GPATCH8: variants seen among roughly 807,000 people sequenced by gnomAD.
GPATCH8 encodes the protein G-patch domain containing 8.
Under a neutral mutation model 118.3 loss-of-function variants are expected in GPATCH8, and 18 were observed. The ratio of observed to expected loss-of-function variants is 0.15; its 90% CI spans 0.11 to 0.23. The LOEUF (loss-of-function observed/expected upper bound fraction) is 0.23, where lower values mean the gene tolerates loss of function less well. Among genes scored for constraint, GPATCH8 ranks in the 10% least tolerant of loss-of-function variants. GPATCH8 has a pLI of 1.00. For missense variants in GPATCH8, 1,631 were observed against 1,873.8 expected (o/e 0.87, Z 2.39); for synonymous variants, 659 against 684.7 (o/e 0.96, Z 0.59).
At chr17:44,429,649 A>ACACACACACACACACACAC (rs2050221839) in intron 5 of GPATCH8, among the ~76,000 whole-genome samples, 1 of 125,614 alleles carries the variant, frequency 8.0e-6, no homozygotes, top group East Asian at 2.6e-4. Context: ...GTCTCTACTA[A>ACACACACACACACACACAC]ACACACACAC....
At chr17:44,448,308 A>G (rs891718600) in intron 3 of GPATCH8, among the ~76,000 whole-genome samples, 12 of 152,088 alleles carry the variant, frequency 7.9e-5, no homozygotes, top group African/African-American at 2.9e-4. Context: ...CTATAATCCC[A>G]GCACTTTGGG....
intron 6 of GPATCH8, among the ~76,000 whole-genome samples, chr17:44,419,095 C>CAT (rs1382738000): frequency 2.6e-5 from 4 of 152,172 alleles, no homozygotes; most frequent in Non-Finnish European, 5.9e-5. Context: ...TGAGGGTGAC[C>CAT]ATATAGCTCC....
At chr17:44,453,500 G>GGTGTGT (rs56962134) in intron 3 of GPATCH8, among the ~76,000 whole-genome samples, 133 of 142,770 alleles carry the variant, frequency 9.3e-4, no homozygotes, top group African/African-American at 1.2e-3. Flanking sequence ...GGTAGGTAGG[G>GGTGTGT]GTGTGTGTGT....
At chr17:44,462,291 A>G (rs2051583739) in intron 3 of GPATCH8, among the ~76,000 whole-genome samples, 1 of 152,202 alleles carries the variant, frequency 6.6e-6, no homozygotes, top group Non-Finnish European at 1.5e-5. Flanking sequence ...CAAATTGGAG[A>G]GAAAAGCAAA....
intron 6 of GPATCH8, among the ~76,000 whole-genome samples, chr17:44,409,591 T>A (rs956407222): frequency 6.6e-6 from 1 of 152,198 alleles, no homozygotes; most frequent in Non-Finnish European, 1.5e-5. Context: ...AAAAAGGCAG[T>A]ATGTGTAAAG....
At chr17:44,421,057 G>A (rs2049881681) in intron 6 of GPATCH8, among the ~76,000 whole-genome samples, 1 of 151,962 alleles carries the variant, frequency 6.6e-6, no homozygotes, top group South Asian at 2.1e-4. Flanking sequence ...TCACCAAGTT[G>A]GACAGGCTGG....
At chr17:44,447,369 G>C (rs971387514) in intron 3 of GPATCH8, among the ~76,000 whole-genome samples, 1 of 147,756 alleles carries the variant, frequency 6.8e-6, no homozygotes, top group African/African-American at 2.5e-5. Flanking sequence ...ATATTGGCCA[G>C]GCTGGTCTTG....
At chr17:44,405,270 G>A (rs888599282) in intron 7 of GPATCH8, among the ~76,000 whole-genome samples, 9 of 150,496 alleles carry the variant, frequency 6.0e-5, no homozygotes, top group East Asian at 1.9e-4. Flanking sequence ...GTGTAATGGC[G>A]CAATCTTGGC....
rs780424241 is a variant in GPATCH8 at position 44,398,606 on chromosome 17, G to A, written c.3471C>T (p.Pro1157=). 2 of 1,548,186 alleles carry A rather than the reference G, an allele frequency of 1.3e-6. No individual in the cohort carries two copies. The highest frequency in any genetic ancestry group is 2.6e-5 in the South Asian group (2 of 78,214). ...LIGKLPATRK[P]NKKCEESGLE... ...AGCCAGACTCTTCACACTTCTTATTGGGCTTTCGGGTAGCTGGGAGCTTCC... is the reference window on the plus strand; with the variant it reads ...AGCCAGACTCTTCACACTTCTTATTAGGCTTTCGGGTAGCTGGGAGCTTCC... The change falls in exon 8 of 8, where the codon CCC becomes CCT. Residue 1157 remains proline (P), a synonymous_variant. Transcript: ENST00000591680.
Position 44,395,913 on chromosome 17 carries a change from T to C in GPATCH8, c.*1655A>G, listed in dbSNP as rs1487520782. On this transcript the variant is annotated 3_prime_UTR_variant, in exon 8 of 8. Transcript: ENST00000591680. Reference sequence around the variant, plus strand: ...AGTGTGTTAATTAGGGCTGAGAGCCTGGGTGAAAGGCAAGAAGAGGGGCAA... The same window carrying C: ...AGTGTGTTAATTAGGGCTGAGAGCCCGGGTGAAAGGCAAGAAGAGGGGCAA... The C allele has an allele frequency of 6.6e-6, 3 of 454,042 alleles. No homozygotes were observed. The highest frequency in any genetic ancestry group is 2.0e-5 in the African/African-American group (1 of 49,954). 28.1% of individuals were successfully genotyped at this position (454,042 alleles called of 1,614,324 possible).
At position 44,397,572 on chromosome 17, in the gene GPATCH8, G is replaced by C; in HGVS notation, c.4505C>G (p.Thr1502Arg). ...CCTAGGATCCCATCCCCCAACTCAC[G>C]TGCCATGGCTGGGGGGATGTTGCAG... ...QDLQHPPSHG[T>R] Residue 1502 changes from threonine to arginine, a missense_variant, in exon 8 of 8, where the codon ACG (threonine) becomes AGG (arginine). Physicochemically the swap from Thr to Arg is moderately conservative, Grantham distance 71. Transcript: ENST00000591680. The C allele has an allele frequency of 6.2e-7, 1 of 1,610,580 alleles. No individual in the cohort carries two copies. The highest frequency in any genetic ancestry group is 8.5e-7 in the Non-Finnish European group (1 of 1,176,968).
Position 44,396,595 on chromosome 17 carries a change from C to CCT in GPATCH8, c.*971_*972dup, listed in dbSNP as rs757841956. ...TTTATTTTTTGTTTTCATTTTATAA[C>CCT]CTTTAGAGTTTCTTAATTCAACTAG... On this transcript the variant is annotated 3_prime_UTR_variant, in exon 8 of 8. Transcript: ENST00000591680. 18 of 441,958 alleles carry CCT rather than the reference C, an allele frequency of 4.1e-5. No individual in the cohort carries two copies. The highest frequency in any genetic ancestry group is 7.2e-5 in the Non-Finnish European group (16 of 223,618). 27.4% of individuals were successfully genotyped at this position (441,958 alleles called of 1,614,324 possible). A position where few individuals can be genotyped will look rare whatever the true frequency, so the allele number is the denominator to read the frequency against.
At chr17:44,428,496 TA>T (rs914327964) in intron 5 of GPATCH8, among the ~76,000 whole-genome samples, 448 of 130,984 alleles carry the variant, frequency 3.4e-3, no homozygotes, top group Middle Eastern at 8.8e-3. Context: ...CCATCTCAAT[TA>T]AAAAAAAAAA....
rs573529808 is a variant in GPATCH8, at chr17:44,476,284, A to C, written c.46-1381T>G. On this transcript the variant is annotated intron_variant, in intron 1 of 7. Coordinates refer to ENST00000591680, the MANE Select transcript of GPATCH8 (RefSeq NM_001002909.4). ...CAGTGTCACAATCTCAGCTCACCGCAACCTCTGCCTCCCAGGCTCAAGTGG... is the reference window on the plus strand; with the variant it reads ...CAGTGTCACAATCTCAGCTCACCGCCACCTCTGCCTCCCAGGCTCAAGTGG... 7.9e-5 allele frequency among the ~76,000 whole-genome samples: 12 copies of C among 152,108 alleles called. No homozygotes were observed. The East Asian group carries it at 2.1e-3, about 27-fold the overall frequency.
At chr17:44,437,191 C>T (rs980589145) in intron 3 of GPATCH8, among the ~76,000 whole-genome samples, 3 of 152,106 alleles carry the variant, frequency 2.0e-5, no homozygotes, top group Non-Finnish European at 2.9e-5. Context: ...TAATCTGGTG[C>T]TCTAAAGTCC....
At chr17:44,486,667 T>C (rs1199722530) in intron 1 of GPATCH8, 2 of 152,178 alleles carry the variant, frequency 1.3e-5, no homozygotes, top group Admixed American at 6.5e-5. Flanking sequence ...AAAATGGGTA[T>C]TGTTAAAAGT....
Position 44,398,044 on chromosome 17 carries a change from C to A in GPATCH8, c.4033G>T (p.Ala1345Ser). ...GTGGCTGGGGCCAGGGCAGCTGAGG[C>A]TGGAAAGGCCTTTACTTGCTTGGCC... ...LLAKQVKAFP[A>S]SAALAPATPA... Residue 1345 changes from alanine (A) to serine (S), a missense_variant, in exon 8 of 8, where the codon GCC becomes TCC. Physicochemically the swap from Ala to Ser is moderately conservative, Grantham distance 99 (BLOSUM62 1). Coordinates refer to ENST00000591680, the MANE Select transcript of GPATCH8 (RefSeq NM_001002909.4). The A allele has an allele frequency of 1.2e-6, 2 of 1,613,970 alleles. No homozygotes were observed. The highest frequency in any genetic ancestry group is 1.7e-6 in the Non-Finnish European group (2 of 1,179,918).
At position 44,401,092 on chromosome 17, in the gene GPATCH8, C is replaced by T. The variant is rs1257418229; in HGVS notation, c.985G>A (p.Glu329Lys). Reference protein sequence around the residue: ...FKDHAEEGTSEDGTKPDEKSS... With the variant: ...FKDHAEEGTSKDGTKPDEKSS... Reference sequence around the variant, plus strand: ...TTCTCATCGGGTTTTGTTCCATCTTCAGAGGTCCCTTCCTCCGCATGGTCC... The same window carrying T: ...TTCTCATCGGGTTTTGTTCCATCTTTAGAGGTCCCTTCCTCCGCATGGTCC... Residue 329 changes from glutamate (E) to lysine (K), a missense_variant, in exon 8 of 8, where the codon GAA (glutamate) becomes AAA (lysine). Physicochemically the swap from Glu to Lys is moderately conservative, Grantham distance 56. This residue lies in a region of GPATCH8 where 405 missense variants were observed against 462.7 expected (regional missense o/e 0.88). Transcript: ENST00000591680. The T allele has an allele frequency of 2.4e-5, 39 of 1,614,140 alleles. No individual in the cohort carries two copies. Among genetic ancestry groups the T allele is most frequent in the Non-Finnish European group, 3.3e-5 (39 of 1,180,004 alleles).
In GPATCH8 at chr17:44,399,268, G is replaced by C; in HGVS notation, c.2809C>G (p.Leu937Val). 6.2e-7 allele frequency: 1 copy of C among 1,614,034 alleles called. No homozygotes were observed. Among genetic ancestry groups the C allele is most frequent in the Non-Finnish European group, 8.5e-7 (1 of 1,179,894 alleles). The change falls in exon 8 of 8, where the codon CTC becomes GTC. Residue 937 changes from leucine (L) to valine (V), a missense_variant. By Grantham distance (32) the Leu-to-Val change is conservative (BLOSUM62 1). Coordinates refer to ENST00000591680, the MANE Select transcript of GPATCH8 (RefSeq NM_001002909.4). Reference sequence around the variant, plus strand: ...CGGCTTCGGGACTGGCTGCAACTGAGGCTATAGTCATCATCAGAAGATGAA... The same window carrying C: ...CGGCTTCGGGACTGGCTGCAACTGACGCTATAGTCATCATCAGAAGATGAA... The part of the protein sequence containing the change: ...KYSSSDDDYS[L>V]SCSQSRSRSR...
Sources: allele counts gnomAD v4.1 joint callset (sites outside exome capture counted in the v4.1 genomes callset), GRCh38; gene constraint gnomAD v4.1.1; regional missense constraint gnomAD v4.1.1; transcripts MANE v1.5; gene names NCBI Gene and HGNC (gene_info 2026-07-23, HGNC 2026-07-21).